The following FRMD3 variants were observed in gnomAD, a reference collection of about 807,000 sequenced individuals.
FRMD3 encodes FERM domain-containing protein 3.
In FRMD3, 33 loss-of-function variants were observed where a neutral mutation model predicts 70.2. That is an observed-to-expected ratio of 0.47 (90% confidence interval 0.36 to 0.63). The LOEUF (loss-of-function observed/expected upper bound fraction) is 0.63. FRMD3 is among the 20% of genes least tolerant of loss of function. FRMD3 has a pLI of 0.00. For missense variants in FRMD3, 632 were observed against 711.4 expected, an observed-to-expected ratio of 0.89 and a Z score of 1.27; for synonymous variants, 279 against 255.9, an observed-to-expected ratio of 1.09 and a Z score of -0.86.
intron 1 of FRMD3, among the ~76,000 whole-genome samples, chr9:83,479,739 GAAAAAGA>G (rs1828512482): frequency 1.2e-5 from 1 of 83,504 alleles, no homozygotes; most frequent in African/African-American, 4.7e-5. Context: ...GGGAAAGAAA[GAAAAAGA>G]AAAGAGAAGA....
intron 1 of FRMD3, among the ~76,000 whole-genome samples, chr9:83,424,313 C>T (rs2131364915): frequency 6.6e-6 from 1 of 152,328 alleles, no homozygotes; most frequent in East Asian, 1.9e-4. Context: ...TACAGAATCA[C>T]TTTCCCTTGT....
the FRMD3 span, among the ~76,000 whole-genome samples, chr9:83,553,315 C>T: frequency 6.6e-6 from 1 of 152,198 alleles, no homozygotes; most frequent in Non-Finnish European, 1.5e-5. Context: ...TCTCTTCTGG[C>T]TTGTAGGGTT....
intron 1 of FRMD3, among the ~76,000 whole-genome samples, chr9:83,533,917 T>C (rs1829839491): frequency 6.6e-6 from 1 of 152,164 alleles, no homozygotes; most frequent in South Asian, 2.1e-4. Flanking sequence ...GTCAAAAATC[T>C]ATGTAACCCA....
chr9:83,396,691 A>G (rs375693215), intron 1 of FRMD3, among the ~76,000 whole-genome samples: 17 of 152,212 alleles, frequency 1.1e-4, no homozygotes, highest in East Asian at 5.8e-4. Context: ...CCATACACAG[A>G]GGTGCAGTGG....
At chr9:83,279,003 T>C (rs73648523) in intron 13 of FRMD3, among the ~76,000 whole-genome samples, 1,971 of 152,288 alleles carry the variant, frequency 0.013, 42 homozygotes, top group African/African-American at 0.045. Context: ...TAGGCCAAGG[T>C]GCTAGGCAGG....
chr9:83,572,536 C>T, the FRMD3 span, among the ~76,000 whole-genome samples: 1 of 152,024 alleles, frequency 6.6e-6, no homozygotes, highest in Non-Finnish European at 1.5e-5. Context: ...GAGGAGGCAG[C>T]GTCAGAGTTT....
chr9:83,557,970 A>G, the FRMD3 span, among the ~76,000 whole-genome samples: 2 of 152,230 alleles, frequency 1.3e-5, no homozygotes, highest in African/African-American at 4.8e-5. Flanking sequence ...AAAATGGTGA[A>G]TCTAACAAAA....
intron 1 of FRMD3, among the ~76,000 whole-genome samples, chr9:83,498,095 C>A (rs1163075651): frequency 1.3e-5 from 2 of 151,996 alleles, no homozygotes; most frequent in African/African-American, 2.4e-5. Context: ...TTGCAGTGAG[C>A]AGAGGCAGAG....
intron 1 of FRMD3, among the ~76,000 whole-genome samples, chr9:83,399,399 C>T (rs921881091): frequency 2.0e-5 from 3 of 152,206 alleles, no homozygotes; most frequent in Non-Finnish European, 2.9e-5. Context: ...CACACAGGTC[C>T]ATCCCAATGC....
At chr9:83,343,936 GCAGGATGGGACA>G (rs1823864696) in intron 4 of FRMD3, among the ~76,000 whole-genome samples, 1 of 152,234 alleles carries the variant, frequency 6.6e-6, no homozygotes, top group African/African-American at 2.4e-5. Flanking sequence ...AGTGCTGGAA[GCAGGATGGGACA>G]CAGCAGCTCC....
At chr9:83,277,684 T>C (rs933499102) in intron 13 of FRMD3, among the ~76,000 whole-genome samples, 7 of 152,156 alleles carry the variant, frequency 4.6e-5, no homozygotes, top group African/African-American at 1.4e-4. Context: ...GATTTCACAC[T>C]AAAAAACATA....
At chr9:83,485,743 A>T (rs1828672972) in intron 1 of FRMD3, among the ~76,000 whole-genome samples, 1 of 152,204 alleles carries the variant, frequency 6.6e-6, no homozygotes, top group Non-Finnish European at 1.5e-5. Context: ...ATGTTAGGCA[A>T]AACATCTGAA....
intron 1 of FRMD3, among the ~76,000 whole-genome samples, chr9:83,490,409 C>T (rs1013628153): frequency 1.3e-5 from 2 of 152,010 alleles, no homozygotes; most frequent in Non-Finnish European, 2.9e-5. Context: ...ATGCCTTAGC[C>T]TCCTGAGTAG....
chr9:83,479,722 AAAGAAAGGG>A, intron 1 of FRMD3, among the ~76,000 whole-genome samples: 2 of 56,048 alleles, frequency 3.6e-5, no homozygotes, highest in African/African-American at 2.0e-4. Flanking sequence ...GAAAGAAAGA[AAAGAAAGGG>A]AAAGAAAGAA....
rs553980364 is a variant in FRMD3, at chr9:83,285,766, A to T, written c.1195+4837T>A. Among the ~76,000 whole-genome samples, 9 of 152,364 alleles carry T rather than the reference A, an allele frequency of 5.9e-5. No individual in the cohort carries two copies. In the South Asian group the frequency reaches 1.9e-3, roughly 32 times the overall value. On this transcript the variant is annotated intron_variant, in intron 13 of 13. Coordinates refer to ENST00000304195, the MANE Select transcript of FRMD3 (RefSeq NM_174938.6). Reference sequence around the variant, plus strand: ...CTCCATTTTGCTTGTGAATTTATTCAGATTAATGACTCCTTAAAATGTCAT... The same window carrying T: ...CTCCATTTTGCTTGTGAATTTATTCTGATTAATGACTCCTTAAAATGTCAT...
chr9:83,250,638 T>C (rs1832361639), intron 13 of FRMD3, among the ~76,000 whole-genome samples: 1 of 152,172 alleles, frequency 6.6e-6, no homozygotes, highest in Admixed American at 6.5e-5. Flanking sequence ...CTACCATCTA[T>C]GCAGCTTAGT....
chr9:83,359,341 C>A (rs1292520712), intron 3 of FRMD3, among the ~76,000 whole-genome samples: 1 of 152,108 alleles, frequency 6.6e-6, no homozygotes, highest in Non-Finnish European at 1.5e-5. Flanking sequence ...TCAGGAGAAG[C>A]TTGAAAAGAG....
chr9:83,265,627 A>G (rs1031609460), intron 13 of FRMD3, among the ~76,000 whole-genome samples: 3 of 152,206 alleles, frequency 2.0e-5, no homozygotes, highest in Non-Finnish European at 4.4e-5. Context: ...AAAATACACA[A>G]TTATTTGAAA....
chr9:83,322,013 G>A (rs776073004), intron 6 of FRMD3, among the ~76,000 whole-genome samples: 1 of 151,980 alleles, frequency 6.6e-6, no homozygotes, highest in Non-Finnish European at 1.5e-5. Flanking sequence ...ACTGGACATG[G>A]TTGCAGCCAT....
Sources: gnomAD v4.1 joint callset for allele counts (sites outside exome capture counted in the v4.1 genomes callset) on GRCh38, gnomAD v4.1.1 for gene constraint, MANE v1.5 for transcripts, NCBI Gene and HGNC (gene_info 2026-07-23, HGNC 2026-07-21) for gene names.